SGCZ: variants seen among roughly 807,000 people sequenced by gnomAD.
SGCZ encodes the protein zeta-sarcoglycan.
A neutral mutation model predicts 41.3 loss-of-function variants in SGCZ; 40 were observed. The observed-to-expected ratio is 0.97, with a 90% CI of 0.75 to 1.26. The LOEUF (loss-of-function observed/expected upper bound fraction) is 1.26. SGCZ is among the 50% of genes most tolerant of loss of function. The pLI is 0.00. For missense variants in SGCZ, 552 were observed against 369.8 expected, an observed-to-expected ratio of 1.49 and a Z score of -4.04; for synonymous variants, 206 against 137.5, an observed-to-expected ratio of 1.50 and a Z score of -3.49.
chr8:14,401,626 T>G (rs981386341), intron 2 of SGCZ, among the ~76,000 whole-genome samples: 1 of 151,830 alleles, frequency 6.6e-6, no homozygotes, highest in South Asian at 2.1e-4. Context: ...CTCATCATTG[T>G]TTATGGCTGC....
intron 5 of SGCZ, among the ~76,000 whole-genome samples, chr8:14,131,461 T>C (rs1445689879): frequency 6.6e-6 from 1 of 152,198 alleles, no homozygotes; most frequent in African/African-American, 2.4e-5. Context: ...GTTATTCCAA[T>C]TGTATTCTGG....
rs182095580 is a variant in SGCZ at position 14,114,940 on chromosome 8, T to G, written c.548-6705A>C. 1.5e-3 allele frequency among the ~76,000 whole-genome samples: 234 copies of G among 152,012 alleles called. 5 individuals are homozygous for G. The highest frequency in any genetic ancestry group is 5.4e-3 in the African/African-American group (224 of 41,550). ...AAATCACATGTAAAGAAAACAGAATTAAAAAGAAAATAAATTATTTCCAAA... is the reference window on the plus strand; with the variant it reads ...AAATCACATGTAAAGAAAACAGAATGAAAAAGAAAATAAATTATTTCCAAA... On this transcript the variant is annotated intron_variant, in intron 5 of 7. Transcript: ENST00000382080.
At chr8:14,345,192 T>C (rs535205982) in intron 2 of SGCZ, among the ~76,000 whole-genome samples, 1 of 152,214 alleles carries the variant, frequency 6.6e-6, no homozygotes, top group South Asian at 2.1e-4. Flanking sequence ...TTAACCTCAT[T>C]ACTCATCAGC....
At chr8:14,459,608 A>T (rs1023411507) in intron 2 of SGCZ, among the ~76,000 whole-genome samples, 1 of 152,136 alleles carries the variant, frequency 6.6e-6, no homozygotes, top group Non-Finnish European at 1.5e-5. Flanking sequence ...CAAGACATTT[A>T]TTAATTATAC....
At chr8:14,314,225 A>G (rs765680739) in intron 3 of SGCZ, among the ~76,000 whole-genome samples, 1 of 152,078 alleles carries the variant, frequency 6.6e-6, no homozygotes, top group Non-Finnish European at 1.5e-5. Flanking sequence ...TTGCCCACAC[A>G]TATTATTTAG....
intron 5 of SGCZ, among the ~76,000 whole-genome samples, chr8:14,136,380 G>A (rs1803199107): frequency 6.6e-6 from 1 of 152,150 alleles, no homozygotes; most frequent in African/African-American, 2.4e-5. Flanking sequence ...AGGGGTCAGA[G>A]AATTCCCTTT....
chr8:14,391,480 T>C (rs1221487655), intron 2 of SGCZ, among the ~76,000 whole-genome samples: 1 of 152,092 alleles, frequency 6.6e-6, no homozygotes, highest in Non-Finnish European at 1.5e-5. Flanking sequence ...AGATTTTGTA[T>C]TCCGGCCCAT....
intron 2 of SGCZ, 49 bp from the exon 3 acceptor site, chr8:14,324,253 T>G (rs377068076): frequency 2.2e-6 from 3 of 1,344,060 alleles, no homozygotes; most frequent in Non-Finnish European, 3.2e-6. Flanking sequence ...GGAGAATGAA[T>G]ATCTGGCCAT....
intron 1 of SGCZ, among the ~76,000 whole-genome samples, chr8:14,878,568 G>A (rs1490412404): frequency 6.6e-6 from 1 of 152,042 alleles, no homozygotes; most frequent in Non-Finnish European, 1.5e-5. Context: ...GTTGAATGTC[G>A]ATATCTTCCA....
intron 1 of SGCZ, among the ~76,000 whole-genome samples, chr8:14,948,411 T>A (rs1800523670): frequency 6.6e-6 from 1 of 152,080 alleles, no homozygotes; most frequent in African/African-American, 2.4e-5. Context: ...GATTATTAAC[T>A]CTGTTTGAAT....
intron 1 of SGCZ, among the ~76,000 whole-genome samples, chr8:15,031,536 C>T (rs1803662071): frequency 6.6e-6 from 1 of 152,158 alleles, no homozygotes; most frequent in Non-Finnish European, 1.5e-5. Flanking sequence ...TTAATTCATT[C>T]AATCCTCACA....
chr8:14,374,752 G>A (rs192898693), intron 2 of SGCZ, among the ~76,000 whole-genome samples: 2 of 152,120 alleles, frequency 1.3e-5, no homozygotes, highest in Non-Finnish European at 2.9e-5. Flanking sequence ...TTGGAAACGA[G>A]AGAAGGATAA....
intron 2 of SGCZ, among the ~76,000 whole-genome samples, chr8:14,384,417 C>A (rs1804491719): frequency 6.6e-6 from 1 of 151,882 alleles, no homozygotes; most frequent in Non-Finnish European, 1.5e-5. Context: ...CACAAATACA[C>A]CATGGAATAC....
At chr8:15,237,252 G>GCC (rs57656728) in intron 1 of SGCZ, among the ~76,000 whole-genome samples, 48,151 of 149,884 alleles carry the variant, frequency 0.32, 8,201 homozygotes, top group Non-Finnish European at 0.39. Context: ...TGGTGCCGCT[G>GCC]CCCCCCCCGG....
At chr8:14,527,428 A>T (rs929868328) in intron 2 of SGCZ, among the ~76,000 whole-genome samples, 1 of 152,144 alleles carries the variant, frequency 6.6e-6, no homozygotes, top group African/African-American at 2.4e-5. Flanking sequence ...CAGCCTCATA[A>T]GTAGCTGGGA....
chr8:14,380,362 G>A (rs1216690091), intron 2 of SGCZ, among the ~76,000 whole-genome samples: 1 of 152,018 alleles, frequency 6.6e-6, no homozygotes, highest in African/African-American at 2.4e-5. Flanking sequence ...TTTTTCTAGT[G>A]TTGAATGTCA....
intron 7 of SGCZ, among the ~76,000 whole-genome samples, chr8:14,092,222 C>T (rs1801708833): frequency 1.3e-5 from 2 of 151,936 alleles, no homozygotes; most frequent in South Asian, 4.2e-4. Flanking sequence ...TTACTGTAGC[C>T]TTGTATTATA....
intron 1 of SGCZ, among the ~76,000 whole-genome samples, chr8:15,196,915 G>A (rs12680924): frequency 0.37 from 56,177 of 152,128 alleles, 11,897 homozygotes; most frequent in Non-Finnish European, 0.46. Context: ...GCTGGAGCCC[G>A]TATGTTTTTC....
rs192728496 is a variant in SGCZ, at chr8:15,138,010, C to G, written c.39+99575G>C. ...CCATGAAAGCAGTCCCGGAGGGGGACTGTACCCTACAAAGCCACAGGGGCA... is the reference window on the plus strand; with the variant it reads ...CCATGAAAGCAGTCCCGGAGGGGGAGTGTACCCTACAAAGCCACAGGGGCA... On this transcript the variant is annotated intron_variant, in intron 1 of 7. Coordinates refer to ENST00000382080, the MANE Select transcript of SGCZ (RefSeq NM_139167.4). Among the ~76,000 whole-genome samples, 104 of 152,292 alleles carry G rather than the reference C, an allele frequency of 6.8e-4. 2 individuals carry two copies. The highest frequency in any genetic ancestry group is 7.3e-5 in the Non-Finnish European group (5 of 68,032).
Sources: gnomAD v4.1 joint callset for allele counts (sites outside exome capture counted in the v4.1 genomes callset) on GRCh38, gnomAD v4.1.1 for gene constraint, MANE v1.5 for transcripts, NCBI Gene and HGNC (gene_info 2026-07-23, HGNC 2026-07-21) for gene names.